The following POLQ variants were observed in gnomAD, a reference collection of about 807,000 sequenced individuals.
POLQ encodes epididymis secretory sperm binding protein.
A neutral mutation model predicts 259.2 loss-of-function variants in POLQ; 233 were observed. The observed-to-expected ratio is 0.90, with a 90% confidence interval of 0.81 to 1.00. The LOEUF (loss-of-function observed/expected upper bound fraction) is 1.00. POLQ is among the 50% of genes least tolerant of loss of function. The probability of loss-of-function intolerance (pLI) is 0.00; values close to 1 mark genes in which losing one functional copy is unlikely to be tolerated. For missense variants in POLQ, 2,871 were observed against 3,051.6 expected (o/e 0.94, Z 1.39); for synonymous variants, 1,025 against 1,048.8 (o/e 0.98, Z 0.44).
intron 9 of POLQ, among the ~76,000 whole-genome samples, chr3:121,513,809 G>T (rs1042964092): frequency 2.0e-5 from 3 of 151,592 alleles, no homozygotes; most frequent in Admixed American, 2.0e-4. Flanking sequence ...GGCTCACTTA[G>T]GTCAGGAGTT....
At chr3:121,438,959 C>T (rs950351258) in intron 27 of POLQ, among the ~76,000 whole-genome samples, 1 of 151,992 alleles carries the variant, frequency 6.6e-6, no homozygotes, top group African/African-American at 2.4e-5. Context: ...AGAAGTTTAG[C>T]GGGGTATTTT....
chr3:121,541,896 CG>C (rs1166115894), intron 2 of POLQ, among the ~76,000 whole-genome samples: 21 of 151,592 alleles, frequency 1.4e-4, no homozygotes, highest in African/African-American at 4.8e-4. Flanking sequence ...AGGCCAAGGC[CG>C]GGGGATCACT....
intron 22 of POLQ, among the ~76,000 whole-genome samples, chr3:121,470,445 C>T (rs1317294437): frequency 1.3e-5 from 2 of 152,030 alleles, no homozygotes; most frequent in South Asian, 2.1e-4. Context: ...ATAAAGCAAG[C>T]AGAGAAAAGC....
intron 17 of POLQ, 77 bp from the exon 18 acceptor site, chr3:121,483,659 T>C: frequency 8.9e-7 from 1 of 1,120,400 alleles, no homozygotes; most frequent in Non-Finnish European, 1.2e-6. Context: ...CAGCAATCTT[T>C]AGTAGAAAGA....
At chr3:121,507,597 T>G (rs191621910) in intron 12 of POLQ, among the ~76,000 whole-genome samples, 92 of 152,112 alleles carry the variant, frequency 6.0e-4, no homozygotes, top group African/African-American at 2.1e-3. Context: ...TGTGGTGGCA[T>G]GCACCTGTAG....
At position 121,539,514 on chromosome 3, in the gene POLQ, A is replaced by G. The variant is rs767763697; in HGVS notation, c.550T>C (p.Leu184=). The G allele has an allele frequency of 6.2e-6, 10 of 1,612,680 alleles. No homozygotes were observed. In the East Asian group the frequency reaches 1.8e-4, roughly 29 times the overall value. The change falls in exon 4 of 30, where the codon TTG becomes CTG. Residue 184 remains leucine (L), a synonymous_variant. Transcript: ENST00000264233. Reference sequence around the variant, plus strand: ...TCAATTGTGCAGACTGCAATATCCAATGAAGAGAAATGCCTTGATGGAGAG... The same window carrying G: ...TCAATTGTGCAGACTGCAATATCCAGTGAAGAGAAATGCCTTGATGGAGAG... ...STSPSRHFSS[L]DIAVCTIERA...
chr3:121,437,974 T>C (rs2047557846), intron 27 of POLQ, among the ~76,000 whole-genome samples: 1 of 152,174 alleles, frequency 6.6e-6, no homozygotes, highest in African/African-American at 2.4e-5. Flanking sequence ...TGGCTATTTC[T>C]GGGAAGGCGA....
Position 121,544,797 on chromosome 3 carries a change from C to G in POLQ, c.273G>C (p.Lys91Asn), listed in dbSNP as rs61757738. 1 of 1,613,508 alleles carries G rather than the reference C, an allele frequency of 6.2e-7. No individual in the cohort carries two copies. Among genetic ancestry groups the G allele is most frequent in the Non-Finnish European group, 8.5e-7 (1 of 1,179,468 alleles). ...GGCACTCTGCCTGCCATTCAAACAT[C>G]TTTTTTACACCAAAACTGTGGTATT... ...LEKYHSFGVK[K>N]MFEWQAECLL... Residue 91 changes from lysine to asparagine, a missense_variant, in exon 2 of 30, where the codon AAG (lysine) becomes AAC (asparagine). Around this residue, in one of 3 missense-constraint regions of POLQ, gnomAD observed 783 missense variants for 906.2 expected, o/e 0.86. Coordinates refer to ENST00000264233, the MANE Select transcript of POLQ (RefSeq NM_199420.4).
At chr3:121,526,856 T>A (rs553622927) in intron 7 of POLQ, among the ~76,000 whole-genome samples, 1 of 140,354 alleles carries the variant, frequency 7.1e-6, no homozygotes, top group African/African-American at 2.8e-5. Context: ...CTTCTGTGTG[T>A]GTGCGTGTGT....
chr3:121,485,264 A>G, intron 16 of POLQ, 80 bp from the exon 17 acceptor site: 1 of 1,004,274 alleles, frequency 1.0e-6, no homozygotes, highest in Non-Finnish European at 1.4e-6. Context: ...ATTATAATAA[A>G]AAACCTATCT....
intron 7 of POLQ, among the ~76,000 whole-genome samples, chr3:121,525,272 C>G (rs13077237): frequency 6.6e-6 from 1 of 150,724 alleles, no homozygotes; most frequent in Admixed American, 6.6e-5. Context: ...ACCTGGGAGG[C>G]GGAGCTTGCA....
chr3:121,481,603 G>A lies in POLQ; in HGVS notation c.6180C>T (p.Leu2060=). 1 of 1,610,414 alleles carries A rather than the reference G, an allele frequency of 6.2e-7. No homozygotes were observed. The highest frequency in any genetic ancestry group is 8.5e-7 in the Non-Finnish European group (1 of 1,178,034). ...GGTTTTCCTTCTGCAACAAAGAGTT[G>A]AGCTGATTCATAGAGTTGAAGATGA... ...SILIFNSMNQ[L]NSLLQKENLQ... is the part of the protein sequence containing the mutation. Residue 2060 remains leucine, a synonymous_variant, in exon 19 of 30, where the codon CTC becomes CTT. Transcript: ENST00000264233.
chr3:121,458,796 A>G (rs1392572174), intron 25 of POLQ, among the ~76,000 whole-genome samples: 1 of 152,110 alleles, frequency 6.6e-6, no homozygotes, highest in East Asian at 1.9e-4. Context: ...CATGCCTACG[A>G]TCCCAGCACT....
intron 26 of POLQ, among the ~76,000 whole-genome samples, chr3:121,440,631 G>A (rs1413089897): frequency 2.0e-5 from 3 of 152,122 alleles, no homozygotes; most frequent in African/African-American, 7.2e-5. Context: ...CTACTACATG[G>A]CCTTTGTTTT....
chr3:121,488,801 G>A lies in POLQ; in HGVS notation c.4130C>T (p.Ala1377Val), dbSNP rs897437063. 8 of 1,613,764 alleles carry A rather than the reference G, an allele frequency of 5.0e-6. No individual in the cohort carries two copies. In the Admixed American group the frequency reaches 1.2e-4, roughly 24 times the overall value. The change falls in exon 16 of 30, where the codon GCT becomes GTT. Residue 1377 changes from alanine (A) to valine (V), a missense_variant. Physicochemically the swap from Ala to Val is moderately conservative, Grantham distance 64. This residue lies in a region of POLQ where 2,080 missense variants were observed against 2,126.0 expected (regional missense o/e 0.98). Coordinates refer to ENST00000264233, the MANE Select transcript of POLQ (RefSeq NM_199420.4). Reference protein sequence around the residue: ...FQKECHIPFPAEQHPLGATKI... With the variant: ...FQKECHIPFPVEQHPLGATKI... ...AGTCGCTCCTAGAGGGTGCTGTTCA[G>A]CAGGAAAAGGAATGTGACACTCCTT...
chr3:121,448,932 A>G (rs1263260630), intron 26 of POLQ, among the ~76,000 whole-genome samples: 1 of 152,194 alleles, frequency 6.6e-6, no homozygotes. Flanking sequence ...GCTCTATAAC[A>G]GCAATTGTTC....
rs780422736 is a variant in POLQ, at chr3:121,473,457, T to C, written c.6436A>G (p.Asn2146Asp). The C allele has an allele frequency of 3.1e-6, 5 of 1,613,480 alleles. No individual in the cohort carries two copies. The highest frequency in any genetic ancestry group is 1.1e-5 in the South Asian group (1 of 90,980). The change falls in exon 21 of 30, where the codon AAT becomes GAT. Residue 2146 changes from asparagine (N) to aspartate (D), a missense_variant. Asn to Asp is a conservative substitution (Grantham distance 23). Coordinates refer to ENST00000264233, the MANE Select transcript of POLQ (RefSeq NM_199420.4). ...CTGCCTTGGTTTTTCATCTCTCTAT[T>C]TGGGGGCAACTTCAATTCCAAAAAT... ...VLFLELKLPP[N>D]REMKNQGSKK...
At chr3:121,542,246 TG>T (rs1482165549) in intron 2 of POLQ, among the ~76,000 whole-genome samples, 3 of 151,852 alleles carry the variant, frequency 2.0e-5, no homozygotes, top group Non-Finnish European at 4.4e-5. Flanking sequence ...GAGGCCACGA[TG>T]GGCAAGGTGT....
At position 121,487,565 on chromosome 3, in the gene POLQ, C is replaced by T. The variant is rs2108797301; in HGVS notation, c.5366G>A (p.Ser1789Asn). The T allele has an allele frequency of 6.2e-7, 1 of 1,614,068 alleles. No homozygotes were observed. The highest frequency in any genetic ancestry group is 8.5e-7 in the Non-Finnish European group (1 of 1,179,972). ...GCTGTTGTCTTTGAACCCATTTCTA[C>T]TCCCTGGACTTAAATCGTGGTTTTT... Reference protein sequence around the residue: ...DIKNHDLSPGSRNGFKDNSPI... With the variant: ...DIKNHDLSPGNRNGFKDNSPI... The change falls in exon 16 of 30, where the codon AGT (serine) becomes AAT (asparagine). Residue 1789 changes from serine to asparagine, a missense_variant. By Grantham distance (46) the Ser-to-Asn change is conservative. Transcript: ENST00000264233.
Sources: gnomAD v4.1 joint callset for allele counts (sites outside exome capture counted in the v4.1 genomes callset) on GRCh38, gnomAD v4.1.1 for gene constraint, gnomAD v4.1.1 regional missense constraint, MANE v1.5 for transcripts, NCBI Gene and HGNC (gene_info 2026-07-23, HGNC 2026-07-21) for gene names.